The following TIAM2 variants were observed in gnomAD, a reference collection of about 807,000 sequenced individuals.
TIAM2 encodes rho guanine nucleotide exchange factor TIAM2.
A neutral mutation model predicts 152.9 loss-of-function variants in TIAM2; 80 were observed. The observed-to-expected ratio is 0.52, with a 90% CI of 0.44 to 0.63. The LOEUF is 0.63. Among genes scored for constraint, TIAM2 ranks in the 30% least tolerant of loss-of-function variants. TIAM2 has a pLI of 0.00. For missense variants in TIAM2, 1,965 were observed against 2,120.1 expected, an observed-to-expected ratio of 0.93 and a Z score of 1.44; for synonymous variants, 804 against 838.0, an observed-to-expected ratio of 0.96 and a Z score of 0.70.
rs139434366 is a variant in TIAM2 at position 155,109,416 on chromosome 6, A to C, written c.-117-18074A>C. Among the ~76,000 whole-genome samples the C allele has an allele frequency of 9.6e-4, 147 of 152,348 alleles. 2 individuals carry two copies. The highest frequency in any genetic ancestry group is 3.4e-3 in the African/African-American group (142 of 41,586). The stretch of plus-strand genomic sequence containing the variant: ...TCTACATGAAGGTAATAACAGCTTT[A>C]CTAGAAGGGCTAGAAAAAAGATAAA... On this transcript the variant is annotated intron_variant, in intron 2 of 26. Transcript: ENST00000682666.
intron 2 of TIAM2, among the ~76,000 whole-genome samples, chr6:155,109,632 T>C (rs763554912): frequency 3.6e-4 from 55 of 152,190 alleles, no homozygotes; most frequent in Middle Eastern, 3.2e-3. Flanking sequence ...AGGAAACATA[T>C]TGAACACTCA....
chr6:155,007,284 G>T (rs1156780233), intron 1 of TIAM2, among the ~76,000 whole-genome samples: 2 of 152,148 alleles, frequency 1.3e-5, no homozygotes, highest in Admixed American at 6.6e-5. Context: ...CCAGAGATGG[G>T]CAAGAGATTT....
chr6:155,224,752 A>T (rs531525287), intron 15 of TIAM2, among the ~76,000 whole-genome samples: 3 of 152,146 alleles, frequency 2.0e-5, no homozygotes, highest in Non-Finnish European at 2.9e-5. Flanking sequence ...CTGCCACCTG[A>T]GTCCTCTGGT....
chr6:155,182,829 G>T (rs149627622), intron 13 of TIAM2, among the ~76,000 whole-genome samples: 1 of 152,208 alleles, frequency 6.6e-6, no homozygotes, highest in Non-Finnish European at 1.5e-5. Flanking sequence ...AGAATCTCTT[G>T]AACCGGGGAG....
intron 15 of TIAM2, 30 bp downstream of exon 15, chr6:155,211,337 G>A (rs771586211): frequency 1.9e-6 from 3 of 1,595,342 alleles, no homozygotes; most frequent in Non-Finnish European, 2.6e-6. Context: ...CGCAAACCAA[G>A]AACCAGGCAG....
At position 155,158,428 on chromosome 6, in the gene TIAM2, A is replaced by G. The variant is rs150465992; in HGVS notation, c.2029-5987A>G. On this transcript the variant is annotated intron_variant, in intron 7 of 26. Transcript: ENST00000682666. ...GTTCCCCTGTAATTTTGTTATTAGT[A>G]ACTTCCTTTCACAATGAAAGATAAT... Among the ~76,000 whole-genome samples, 391 of 152,312 alleles carry G rather than the reference A, an allele frequency of 2.6e-3. 1 individual carries two copies. Among genetic ancestry groups the G allele is most frequent in the Admixed American group, 4.2e-3 (65 of 15,298 alleles).
chr6:155,057,878 G>A (rs1046036036), intron 1 of TIAM2, among the ~76,000 whole-genome samples: 2 of 152,034 alleles, frequency 1.3e-5, no homozygotes, highest in South Asian at 2.1e-4. Context: ...AAGTCACTCC[G>A]CACAGTCCAC....
intron 1 of TIAM2, among the ~76,000 whole-genome samples, chr6:155,048,443 C>T (rs746484782): frequency 6.6e-6 from 1 of 151,986 alleles, no homozygotes; most frequent in Non-Finnish European, 1.5e-5. Flanking sequence ...TCCTTTGTAA[C>T]AAGATATTAT....
Position 155,249,852 on chromosome 6 carries a change from A to G in TIAM2, c.3834A>G (p.Glu1278=), listed in dbSNP as rs1192657973. Residue 1278 remains glutamate, a splice_region_variant and synonymous_variant, in exon 21 of 27, where the codon GAA becomes GAG. Coordinates refer to ENST00000682666, the MANE Select transcript of TIAM2 (RefSeq NM_012454.4). ...TAAATATGATTTCATATCTTGCAGAAGCACTAAAGGCAATGGAGAAAGTAG... is the reference window on the plus strand; with the variant it reads ...TAAATATGATTTCATATCTTGCAGAGGCACTAAAGGCAATGGAGAAAGTAG... ...QESEEHYHLT[E]ALKAMEKVAS... The G allele has an allele frequency of 6.2e-7, 1 of 1,609,134 alleles. No homozygotes were observed. The highest frequency in any genetic ancestry group is 1.7e-5 in the Admixed American group (1 of 59,070).
chr6:155,203,550 C>G (rs951153763), intron 14 of TIAM2, among the ~76,000 whole-genome samples: 4 of 152,034 alleles, frequency 2.6e-5, no homozygotes, highest in African/African-American at 9.7e-5. Flanking sequence ...AACTCTAATG[C>G]CAAAGTGGAT....
chr6:155,055,117 A>G (rs1360851408), intron 1 of TIAM2, among the ~76,000 whole-genome samples: 2 of 152,136 alleles, frequency 1.3e-5, no homozygotes, highest in Non-Finnish European at 1.5e-5. Flanking sequence ...TTTGTGTTAT[A>G]AGAGATTTGT....
intron 4 of TIAM2, among the ~76,000 whole-genome samples, chr6:155,131,403 T>G (rs1171976000): frequency 2.6e-5 from 4 of 151,982 alleles, no homozygotes; most frequent in Non-Finnish European, 5.9e-5. Context: ...GAATTGGTTA[T>G]CTGAGAATTT....
chr6:155,062,072 G>A (rs966964826), intron 1 of TIAM2, among the ~76,000 whole-genome samples: 11 of 125,054 alleles, frequency 8.8e-5, no homozygotes, highest in Admixed American at 3.4e-4. Context: ...CCTCGCCACC[G>A]CCCCTGCATC....
intron 5 of TIAM2, among the ~76,000 whole-genome samples, chr6:155,139,214 A>G (rs1166251280): frequency 2.0e-5 from 3 of 152,198 alleles, no homozygotes; most frequent in African/African-American, 7.2e-5. Flanking sequence ...CCCTTATCGA[A>G]CAGTTGGAGC....
In TIAM2 at chr6:155,256,701, CAA is replaced by C; in HGVS notation, c.4688_4689del (p.Lys1563ArgfsTer3). The C allele has an allele frequency of 6.2e-7, 1 of 1,614,178 alleles. No individual in the cohort carries two copies. On this transcript the variant is annotated frameshift_variant, in exon 27 of 27. Transcript: ENST00000682666. LOFTEE classifies it low-confidence loss of function (END_TRUNC). ...GLADFADNLI[K>X]ESDILSDEDD... The stretch of plus-strand genomic sequence containing the variant: ...TGGCAGATTTTGCCGACAATCTCAT[CAA>C]AGAGAGTGACATCCTGAGCGATGAA...
intron 14 of TIAM2, 138 bp downstream of exon 14, chr6:155,183,638 C>A: frequency 1.0e-6 from 1 of 965,102 alleles, no homozygotes; most frequent in Non-Finnish European, 1.4e-6. Flanking sequence ...ACACAGATGC[C>A]AACTGGAGTA....
At chr6:155,193,038 G>A (rs1330240389) in intron 14 of TIAM2, among the ~76,000 whole-genome samples, 1 of 152,152 alleles carries the variant, frequency 6.6e-6, no homozygotes, top group Non-Finnish European at 1.5e-5. Flanking sequence ...AACATGCATT[G>A]TTTATTTGGA....
chr6:155,116,197 T>G (rs1779007033), intron 2 of TIAM2, among the ~76,000 whole-genome samples: 1 of 152,236 alleles, frequency 6.6e-6, no homozygotes, highest in South Asian at 2.1e-4. Context: ...ATTAGCAAAT[T>G]TAAACTATAC....
rs201466001 is a variant in TIAM2 at position 155,080,183 on chromosome 6, CCTT to C, written c.-208-10105_-208-10103del. ...GCCCCGTGGCTGTCAGCTTTATCCT[CCTT>C]AGCATTGTTCAAAACCTTATCTCTG... On this transcript the variant is annotated intron_variant, in intron 1 of 26. Transcript: ENST00000682666. 8.4e-3 allele frequency among the ~76,000 whole-genome samples: 1,272 copies of C among 151,898 alleles called. 14 individuals carry two copies. The highest frequency in any genetic ancestry group is 0.014 in the Admixed American group (214 of 15,232).
Sources: allele counts gnomAD v4.1 joint callset (sites outside exome capture counted in the v4.1 genomes callset), GRCh38; gene constraint gnomAD v4.1.1; transcripts MANE v1.5; gene names NCBI Gene and HGNC (gene_info 2026-07-23, HGNC 2026-07-21).